Variants in MNAT1 observed in about 807,000 individuals in gnomAD.
The protein encoded by MNAT1 is CDK-activating kinase assembly factor MAT1.
In MNAT1, 43 loss-of-function variants were observed where a neutral mutation model predicts 42.0. The observed-to-expected ratio is 1.02, with a 90% CI of 0.80 to 1.32. The LOEUF is 1.32. MNAT1 is among the 40% of genes most tolerant of loss of function. The probability of loss-of-function intolerance (pLI) is 0.00; values close to 1 mark genes in which losing one functional copy is unlikely to be tolerated. For synonymous variants in MNAT1, 118 were observed against 120.0 expected (o/e 0.98, Z 0.11); for missense variants, 306 against 350.4 (o/e 0.87, Z 1.01).
chr14:60,917,783 C>T (rs571783070), intron 7 of MNAT1, among the ~76,000 whole-genome samples: 73 of 152,024 alleles, frequency 4.8e-4, no homozygotes, highest in African/African-American at 1.6e-3. Flanking sequence ...CCACCACACC[C>T]GGCTAACTTT....
At chr14:60,921,135 A>G (rs2035651042) in intron 7 of MNAT1, among the ~76,000 whole-genome samples, 1 of 152,216 alleles carries the variant, frequency 6.6e-6, no homozygotes, top group Admixed American at 6.5e-5. Flanking sequence ...AACCTAAGAA[A>G]TATTAGATGT....
intron 1 of MNAT1, among the ~76,000 whole-genome samples, chr14:60,793,194 T>G (rs1019006691): frequency 1.3e-5 from 2 of 151,300 alleles, no homozygotes; most frequent in Non-Finnish European, 2.9e-5. Context: ...TTGTTGTTGT[T>G]TTTTGCTTGT....
Position 60,779,788 on chromosome 14 carries a change from G to GA in MNAT1, c.90-16420dup, listed in dbSNP as rs200874859. Among the ~76,000 whole-genome samples, 739 of 142,630 alleles carry GA rather than the reference G, an allele frequency of 5.2e-3. 9 individuals are homozygous for GA. Among genetic ancestry groups the GA allele is most frequent in the African/African-American group, 0.017 (653 of 38,724 alleles). The allele number at this position is 142,630 out of a possible 152,430, so 93.6% of individuals were successfully genotyped here. A position where few individuals can be genotyped will look rare whatever the true frequency, so the allele number is the denominator to read the frequency against. ...CAACAAAGTGAGACTCCGTCTCAAA[G>GA]AAAAAAAAAGAAAAAAAGAAAAAAA... On this transcript the variant is annotated intron_variant, in intron 1 of 7. Coordinates refer to ENST00000261245, the MANE Select transcript of MNAT1 (RefSeq NM_002431.4).
At chr14:60,843,082 A>G (rs1252585831) in intron 6 of MNAT1, among the ~76,000 whole-genome samples, 1 of 152,180 alleles carries the variant, frequency 6.6e-6, no homozygotes. Flanking sequence ...GTTTTTGACT[A>G]TTACTAGTAA....
intron 1 of MNAT1, among the ~76,000 whole-genome samples, chr14:60,786,265 A>G (rs1471716814): frequency 6.6e-6 from 1 of 151,656 alleles, no homozygotes; most frequent in Admixed American, 6.6e-5. Flanking sequence ...ATAAGAAGTG[A>G]AGAGAGAGCT....
chr14:60,760,523 ACATAAAG>A (rs1309422895), intron 1 of MNAT1, among the ~76,000 whole-genome samples: 1 of 152,206 alleles, frequency 6.6e-6, no homozygotes, highest in African/African-American at 2.4e-5. Context: ...AAGAATACAG[ACATAAAG>A]CATTTTTTTT....
chr14:60,766,536 A>G (rs1372433373), intron 1 of MNAT1, among the ~76,000 whole-genome samples: 1 of 151,316 alleles, frequency 6.6e-6, no homozygotes, highest in Non-Finnish European at 1.5e-5. Flanking sequence ...ACATGGTGAA[A>G]CTCCATTTCT....
chr14:60,959,468 C>T (rs533313582), intron 7 of MNAT1, among the ~76,000 whole-genome samples: 2 of 152,340 alleles, frequency 1.3e-5, no homozygotes, highest in Middle Eastern at 3.4e-3. Flanking sequence ...ATTTCTCAGG[C>T]AGTACCCTGA....
intron 1 of MNAT1, among the ~76,000 whole-genome samples, chr14:60,766,214 G>T (rs779575985): frequency 6.6e-6 from 1 of 152,012 alleles, no homozygotes; most frequent in Non-Finnish European, 1.5e-5. Flanking sequence ...CAGGCTTGGT[G>T]GTGGGCGCCC....
intron 7 of MNAT1, among the ~76,000 whole-genome samples, chr14:60,924,720 C>T (rs1307126325): frequency 3.9e-5 from 6 of 152,070 alleles, no homozygotes; most frequent in Admixed American, 2.0e-4. Flanking sequence ...TGAAAGGTGT[C>T]CAACATTGGG....
At chr14:60,799,385 T>C (rs759338216) in intron 3 of MNAT1, 3 of 985,276 alleles carry the variant, frequency 3.0e-6, no homozygotes, top group Non-Finnish European at 3.6e-6. Flanking sequence ...ACTGGGCAAG[T>C]ATGAAGGTAT....
At chr14:60,908,765 T>C (rs1248082591) in intron 7 of MNAT1, among the ~76,000 whole-genome samples, 1 of 152,224 alleles carries the variant, frequency 6.6e-6, no homozygotes, top group East Asian at 1.9e-4. Flanking sequence ...CTATTGTGAA[T>C]AGTGCCGCAG....
chr14:60,760,665 G>A (rs1038491916), intron 1 of MNAT1, among the ~76,000 whole-genome samples: 1 of 152,304 alleles, frequency 6.6e-6, no homozygotes, highest in Non-Finnish European at 1.5e-5. Context: ...GCTATTGTTT[G>A]TAAGCACTTT....
chr14:60,843,964 T>C (rs1302664091), intron 6 of MNAT1, among the ~76,000 whole-genome samples: 1 of 152,208 alleles, frequency 6.6e-6, no homozygotes, highest in Non-Finnish European at 1.5e-5. Context: ...TTTTTATGTA[T>C]GGTATACAGT....
At chr14:60,795,542 A>G (rs2031986235) in intron 1 of MNAT1, among the ~76,000 whole-genome samples, 2 of 152,158 alleles carry the variant, frequency 1.3e-5, no homozygotes, top group Admixed American at 6.5e-5. Context: ...CTTGCCTGGG[A>G]ATTCGGTTTG....
intron 7 of MNAT1, among the ~76,000 whole-genome samples, chr14:60,952,518 A>T (rs1483742688): frequency 1.3e-5 from 2 of 152,172 alleles, no homozygotes; most frequent in African/African-American, 4.8e-5. Context: ...GTGAGAGGTA[A>T]ATAGATGTTT....
chr14:60,864,396 TA>T (rs1447129527), intron 6 of MNAT1, among the ~76,000 whole-genome samples: 3 of 152,128 alleles, frequency 2.0e-5, no homozygotes, highest in African/African-American at 7.2e-5. Flanking sequence ...GTTTAATAAA[TA>T]AATTTTCATA....
intron 6 of MNAT1, among the ~76,000 whole-genome samples, chr14:60,849,960 C>T (rs1009226548): frequency 6.6e-6 from 1 of 152,092 alleles, no homozygotes; most frequent in Non-Finnish European, 1.5e-5. Flanking sequence ...CCTCAGCCTC[C>T]TGAGTGGCTG....
intron 1 of MNAT1, among the ~76,000 whole-genome samples, chr14:60,757,179 G>T (rs948023599): frequency 6.6e-6 from 1 of 152,132 alleles, no homozygotes; most frequent in Non-Finnish European, 1.5e-5. Context: ...AACTAACGGT[G>T]TATGGAGTAA....
Sources: gnomAD v4.1 joint callset for allele counts (sites outside exome capture counted in the v4.1 genomes callset) on GRCh38, gnomAD v4.1.1 for gene constraint, MANE v1.5 for transcripts, NCBI Gene and HGNC (gene_info 2026-07-23, HGNC 2026-07-21) for gene names.